DCAF5: variants seen among roughly 807,000 people sequenced by gnomAD.
DCAF5 encodes DDB1- and CUL4-associated factor 5.
A neutral mutation model predicts 80.7 loss-of-function variants in DCAF5; 9 were observed. The observed-to-expected ratio is 0.11, with a 90% confidence interval of 0.07 to 0.19. DCAF5 has a LOEUF of 0.19. DCAF5 is among the 10% of genes least tolerant of loss of function. The probability of loss-of-function intolerance (pLI) is 1.00; values close to 1 mark genes in which losing one functional copy is unlikely to be tolerated. For synonymous variants in DCAF5, 433 were observed against 461.9 expected, an observed-to-expected ratio of 0.94 and a Z score of 0.80; for missense variants, 842 against 1,205.7, an observed-to-expected ratio of 0.70 and a Z score of 4.47.
intron 5 of DCAF5, among the ~76,000 whole-genome samples, chr14:69,108,627 A>AT (rs2040246720): frequency 6.6e-6 from 1 of 152,332 alleles, no homozygotes; most frequent in African/African-American, 2.4e-5. Flanking sequence ...GATGACAATA[A>AT]TAAAAAAACA....
chr14:69,110,223 T>C (rs1317755109), intron 5 of DCAF5, among the ~76,000 whole-genome samples: 1 of 144,000 alleles, frequency 6.9e-6, no homozygotes, highest in Non-Finnish European at 1.6e-5. Context: ...AATGTATGTA[T>C]TATGCTTTTT....
chr14:69,110,357 C>G (rs61981648), intron 5 of DCAF5, among the ~76,000 whole-genome samples: 42,318 of 149,348 alleles, frequency 0.28, 7,104 homozygotes, highest in Middle Eastern at 0.47. Context: ...GCAACCTCCA[C>G]CTCCTGGGTT....
intron 6 of DCAF5, chr14:69,089,541 C>T (rs2039459506): frequency 6.6e-6 from 1 of 152,058 alleles, no homozygotes; most frequent in Admixed American, 6.5e-5. Context: ...TTAGTCAAAT[C>T]TAAATAGAGA....
At chr14:69,076,057 A>T (rs1467119995) in intron 6 of DCAF5, among the ~76,000 whole-genome samples, 2 of 152,170 alleles carry the variant, frequency 1.3e-5, no homozygotes, top group Non-Finnish European at 2.9e-5. Context: ...AATAATTAGA[A>T]AAATGCAAAT....
intron 6 of DCAF5, among the ~76,000 whole-genome samples, chr14:69,088,198 CA>C (rs1484252086): frequency 6.6e-6 from 1 of 152,160 alleles, no homozygotes; most frequent in African/African-American, 2.4e-5. Context: ...CTCCTGTCCG[CA>C]ACAAGTTGTG....
At position 69,116,359 on chromosome 14, in the gene DCAF5, G is replaced by T; in HGVS notation, c.665+7C>A. On this transcript the variant is annotated splice_region_variant and intron_variant, in intron 5 of 8. Coordinates refer to ENST00000341516, the MANE Select transcript of DCAF5 (RefSeq NM_003861.3). ...AGTTTTAACACCTATGAATAAAGGG[G>T]GCTCACCTCTGAGGTTTTCGAATGT... The T allele has an allele frequency of 6.2e-7, 1 of 1,611,394 alleles. No homozygotes were observed. The highest frequency in any genetic ancestry group is 8.5e-7 in the Non-Finnish European group (1 of 1,178,310).
At chr14:69,105,914 CATATATAT>C (rs35075766) in intron 5 of DCAF5, among the ~76,000 whole-genome samples, 561 of 50,008 alleles carry the variant, frequency 0.011, 71 homozygotes, top group Middle Eastern at 0.036. Flanking sequence ...AATAAACTGT[CATATATAT>C]ATATATATAT....
At position 69,132,237 on chromosome 14, in the gene DCAF5, GC is replaced by G. The variant is rs561477817; in HGVS notation, c.215-9878del. 1.0e-3 allele frequency among the ~76,000 whole-genome samples: 158 copies of G among 152,214 alleles called. 1 individual carries two copies. Among genetic ancestry groups the G allele is most frequent in the Non-Finnish European group, 1.9e-3 (130 of 68,004 alleles). The stretch of plus-strand genomic sequence containing the variant: ...TGCCATACTGTTTTCCACAGTGGCT[GC>G]CCCATTTTATATTCTCACCAACAAC... On this transcript the variant is annotated intron_variant, in intron 1 of 8. Coordinates refer to ENST00000341516, the MANE Select transcript of DCAF5 (RefSeq NM_003861.3).
At chr14:69,077,916 C>T (rs2038962059) in intron 6 of DCAF5, among the ~76,000 whole-genome samples, 1 of 152,128 alleles carries the variant, frequency 6.6e-6, no homozygotes, top group Non-Finnish European at 1.5e-5. Context: ...AATCAGGGCA[C>T]AGTGGAAAAA....
intron 1 of DCAF5, among the ~76,000 whole-genome samples, chr14:69,128,345 CCCAG>C (rs1302102981): frequency 2.0e-5 from 3 of 151,982 alleles, no homozygotes; most frequent in African/African-American, 7.3e-5. Flanking sequence ...CACCACCACA[CCCAG>C]CTAATTTTTG....
intron 5 of DCAF5, among the ~76,000 whole-genome samples, chr14:69,105,250 T>C (rs185419036): frequency 4.3e-4 from 66 of 152,308 alleles, no homozygotes; most frequent in Non-Finnish European, 7.1e-4. Context: ...CGGCTATCAT[T>C]AGATGAATGG....
At chr14:69,063,757 C>G (rs2038324593) in intron 7 of DCAF5, among the ~76,000 whole-genome samples, 1 of 152,144 alleles carries the variant, frequency 6.6e-6, no homozygotes, top group Admixed American at 6.5e-5. Flanking sequence ...CTTCTTTTGT[C>G]TCATGGAAGA....
chr14:69,129,393 C>G (rs1200253006), intron 1 of DCAF5, among the ~76,000 whole-genome samples: 1 of 152,172 alleles, frequency 6.6e-6, no homozygotes, highest in Non-Finnish European at 1.5e-5. Context: ...GGCAGAAAAA[C>G]AACCAGTACA....
At chr14:69,105,170 C>CA (rs1262025129) in intron 5 of DCAF5, among the ~76,000 whole-genome samples, 1 of 151,326 alleles carries the variant, frequency 6.6e-6, no homozygotes, top group African/African-American at 2.4e-5. Context: ...AACAGGTTCT[C>CA]AAAAAAAATT....
At chr14:69,122,431 C>T in intron 1 of DCAF5, 71 bp from the exon 2 acceptor site, 1 of 1,539,570 alleles carries the variant, frequency 6.5e-7, no homozygotes, top group Non-Finnish European at 8.9e-7. Context: ...TTTTGCCAGC[C>T]TTGAATCCCA....
In DCAF5 at chr14:69,078,950, C is replaced by T. The variant is rs533360753; in HGVS notation, c.880-3539G>A. On this transcript the variant is annotated intron_variant, in intron 6 of 8. Transcript: ENST00000341516. Reference sequence around the variant, plus strand: ...CAATCTCGGCTCACTGCAACCTCCACCTCCAGGATTCAAGCAATTTTCATG... The same window carrying T: ...CAATCTCGGCTCACTGCAACCTCCATCTCCAGGATTCAAGCAATTTTCATG... 1.4e-3 allele frequency among the ~76,000 whole-genome samples: 214 copies of T among 152,138 alleles called. 5 individuals are homozygous for T. The South Asian group carries it at 0.028, about 20-fold the overall frequency.
intron 1 of DCAF5, among the ~76,000 whole-genome samples, chr14:69,128,535 A>G (rs2040943200): frequency 6.6e-6 from 1 of 152,238 alleles, no homozygotes; most frequent in Non-Finnish European, 1.5e-5. Flanking sequence ...TAGAAAAAGA[A>G]AAAAAACAAG....
At chr14:69,073,462 G>A (rs1046724245) in intron 7 of DCAF5, among the ~76,000 whole-genome samples, 1 of 152,104 alleles carries the variant, frequency 6.6e-6, no homozygotes, top group African/African-American at 2.4e-5. Flanking sequence ...AGCTCTGGCA[G>A]ACTAGATGGT....
intron 1 of DCAF5, among the ~76,000 whole-genome samples, chr14:69,141,139 T>TAAAAAAAA (rs11396838): frequency 1.3e-4 from 8 of 59,422 alleles, no homozygotes; most frequent in African/African-American, 3.8e-4. Context: ...ATCTCAAATT[T>TAAAAAAAA]AAAAAAAAAA....
Sources: gnomAD v4.1 joint callset for allele counts (sites outside exome capture counted in the v4.1 genomes callset) on GRCh38, gnomAD v4.1.1 for gene constraint, MANE v1.5 for transcripts, NCBI Gene and HGNC (gene_info 2026-07-23, HGNC 2026-07-21) for gene names.